Variants in OR2L13 observed in about 807,000 individuals in gnomAD.
OR2L13 encodes the protein olfactory receptor 2L13.
Under a neutral mutation model 15.3 loss-of-function variants are expected in OR2L13, and 14 were observed. The observed-to-expected ratio is 0.91, with a 90% CI of 0.60 to 1.43. The LOEUF (loss-of-function observed/expected upper bound fraction) is 1.43, where lower values mean the gene tolerates loss of function less well. Among genes scored for constraint, OR2L13 ranks in the 40% most tolerant of loss-of-function variants. The pLI is 0.00. For missense variants in OR2L13, 367 were observed against 387.9 expected (o/e 0.95, Z 0.45); for synonymous variants, 152 against 142.9 (o/e 1.06, Z -0.45).
chr1:248,012,911 C>T, the OR2L13 span, among the ~76,000 whole-genome samples: 3 of 151,452 alleles, frequency 2.0e-5, no homozygotes, highest in Admixed American at 6.6e-5. Flanking sequence ...TACTGTAAAC[C>T]ATGAAAAATT....
At chr1:247,952,747 A>G in the OR2L13 span, among the ~76,000 whole-genome samples, 1 of 152,196 alleles carries the variant, frequency 6.6e-6, no homozygotes, top group Non-Finnish European at 1.5e-5. Context: ...GGAGGACTGA[A>G]TTAAGCAGTG....
At chr1:247,946,547 T>C in the OR2L13 span, among the ~76,000 whole-genome samples, 1 of 152,210 alleles carries the variant, frequency 6.6e-6, no homozygotes, top group East Asian at 1.9e-4. Context: ...GGGTAAAATG[T>C]TAGAAACATA....
chr1:247,959,524 AT>A, the OR2L13 span, among the ~76,000 whole-genome samples: 76 of 151,968 alleles, frequency 5.0e-4, 1 homozygote, highest in East Asian at 0.012. Flanking sequence ...CTTGGATAAT[AT>A]CCTGCAGAGT....
exon 3 of OR2L13, chr1:248,099,944 A>G (rs1208138847): frequency 3.6e-5 from 58 of 1,613,914 alleles, no homozygotes; most frequent in Middle Eastern, 1.6e-4. Flanking sequence ...GCCTGTACAG[A>G]TACTTGGGTC....
chr1:247,948,439 A>G, the OR2L13 span, among the ~76,000 whole-genome samples: 2 of 152,048 alleles, frequency 1.3e-5, no homozygotes, highest in African/African-American at 2.4e-5. Context: ...ATAAATTTAC[A>G]TATTTCTCAG....
At chr1:248,035,051 T>C in the OR2L13 span, among the ~76,000 whole-genome samples, 8 of 133,078 alleles carry the variant, frequency 6.0e-5, no homozygotes, top group East Asian at 4.2e-4. Context: ...TATCTTTCCC[T>C]TTTTTTTTTT....
the OR2L13 span, among the ~76,000 whole-genome samples, chr1:248,034,959 C>T: frequency 1.8e-4 from 28 of 151,780 alleles, no homozygotes; most frequent in African/African-American, 5.8e-4. Flanking sequence ...GCGTGGAGTC[C>T]TAAGGTTTTC....
the OR2L13 span, among the ~76,000 whole-genome samples, chr1:248,065,655 G>C: frequency 0.7 from 101,671 of 144,736 alleles, 40,189 homozygotes; most frequent in South Asian, 0.9. Context: ...TCATTGTTCA[G>C]TTCCCACCTA....
At chr1:248,009,285 TAAAG>T in the OR2L13 span, among the ~76,000 whole-genome samples, 22 of 150,868 alleles carry the variant, frequency 1.5e-4, no homozygotes, top group African/African-American at 4.9e-4. Context: ...GTCAGATTAA[TAAAG>T]AAGAAAAGAG....
chr1:247,948,528 G>C, the OR2L13 span, among the ~76,000 whole-genome samples: 12 of 151,722 alleles, frequency 7.9e-5, no homozygotes, highest in African/African-American at 2.2e-4. Flanking sequence ...TTTCAAAATA[G>C]GTAAAAATCA....
chr1:248,089,771 C>A, the OR2L13 span, among the ~76,000 whole-genome samples: 35 of 152,266 alleles, frequency 2.3e-4, no homozygotes, highest in African/African-American at 8.2e-4. Context: ...GGACAGAGCT[C>A]GGACAACCAT....
At chr1:248,092,064 T>G (rs1299803819), upstream of OR2L13, among the ~76,000 whole-genome samples, 15 of 152,166 alleles carry the variant, frequency 9.9e-5, no homozygotes, top group Admixed American at 9.8e-4. Context: ...AGCTCCTGAT[T>G]TGGCTCTTAC....
chr1:248,035,966 T>C, the OR2L13 span, among the ~76,000 whole-genome samples: 2 of 151,896 alleles, frequency 1.3e-5, no homozygotes, highest in Admixed American at 6.5e-5. Context: ...TTCTGATTAT[T>C]ATTACTACTA....
At chr1:248,056,184 T>C in the OR2L13 span, among the ~76,000 whole-genome samples, 17 of 152,120 alleles carry the variant, frequency 1.1e-4, no homozygotes, top group Non-Finnish European at 2.2e-4. Context: ...ATTCTTTTTT[T>C]ATTATACTTT....
At chr1:248,048,923 C>CTTT in the OR2L13 span, among the ~76,000 whole-genome samples, 320 of 141,702 alleles carry the variant, frequency 2.3e-3, 1 homozygote, top group African/African-American at 5.9e-3. Flanking sequence ...TTCTCTCTCT[C>CTTT]TTTTTTTTTT....
At chr1:248,066,503 T>A in the OR2L13 span, among the ~76,000 whole-genome samples, 18 of 152,350 alleles carry the variant, frequency 1.2e-4, no homozygotes, top group Non-Finnish European at 2.4e-4. Flanking sequence ...AATCACTGAA[T>A]ACTTAGTACT....
At chr1:248,003,206 C>T in the OR2L13 span, 1 of 1,510,670 alleles carries the variant, frequency 6.6e-7, no homozygotes, top group Admixed American at 1.7e-5. Flanking sequence ...TGGCCTTTTC[C>T]TCTTCATCCT....
chr1:247,978,857 C>T, the OR2L13 span, among the ~76,000 whole-genome samples: 3 of 151,784 alleles, frequency 2.0e-5, no homozygotes, highest in African/African-American at 7.3e-5. Flanking sequence ...CTCTCCTGGG[C>T]ACCCTGCCAC....
the OR2L13 span, among the ~76,000 whole-genome samples, chr1:247,980,476 AT>A: frequency 2.0e-5 from 3 of 152,242 alleles, no homozygotes; most frequent in Non-Finnish European, 2.9e-5. Context: ...ATAACAACAT[AT>A]AAAATGTAGG....
Sources: gnomAD v4.1 joint callset for allele counts (sites outside exome capture counted in the v4.1 genomes callset) on GRCh38, gnomAD v4.1.1 for gene constraint, MANE v1.5 for transcripts, NCBI Gene and HGNC (gene_info 2026-07-23, HGNC 2026-07-21) for gene names.